The following ANKRD18A variants were observed in gnomAD, a reference collection of about 807,000 sequenced individuals.
ANKRD18A encodes ankyrin repeat domain-containing protein 18A.
Under a neutral mutation model 110.6 loss-of-function variants are expected in ANKRD18A, and 72 were observed. The observed-to-expected ratio is 0.65, with a 90% CI of 0.54 to 0.79. ANKRD18A has a LOEUF of 0.79. Among genes scored for constraint, ANKRD18A ranks in the 30% least tolerant of loss-of-function variants. The probability of loss-of-function intolerance (pLI) is 0.00; values close to 1 mark genes in which losing one functional copy is unlikely to be tolerated. For missense variants in ANKRD18A, 934 were observed against 1,163.3 expected, an observed-to-expected ratio of 0.80 and a Z score of 2.87; for synonymous variants, 305 against 410.3, an observed-to-expected ratio of 0.74 and a Z score of 3.10.
chr9:38,590,804 T>C (rs1824612258), intron 10 of ANKRD18A, among the ~76,000 whole-genome samples: 1 of 152,078 alleles, frequency 6.6e-6, no homozygotes, highest in Admixed American at 6.6e-5. Flanking sequence ...AGTCTCCTGC[T>C]TAGGAATTCA....
Position 38,577,908 on chromosome 9 carries a change from C to G in ANKRD18A, c.2488G>C (p.Ala830Pro). 2.8e-5 allele frequency: 44 copies of G among 1,597,598 alleles called. No homozygotes were observed. The highest frequency in any genetic ancestry group is 3.8e-5 in the Non-Finnish European group (44 of 1,172,632). ...TCTAATTTTTCTATTTCCTGCACTGCCCTTTCATCCAGCTCCGATTTATAT... is the reference window on the plus strand; with the variant it reads ...TCTAATTTTTCTATTTCCTGCACTGGCCTTTCATCCAGCTCCGATTTATAT... ...QEYKSELDER[A>P]VQEIEKLEEI... The change falls in exon 13 of 16, where the codon GCA becomes CCA. Residue 830 changes from alanine (A) to proline (P), a missense_variant. Coordinates refer to ENST00000399703, the MANE Select transcript of ANKRD18A (RefSeq NM_147195.4).
intron 15 of ANKRD18A, among the ~76,000 whole-genome samples, chr9:38,574,327 T>A (rs750320198): frequency 6.6e-6 from 1 of 152,216 alleles, no homozygotes; most frequent in East Asian, 1.9e-4. Flanking sequence ...CTGGATTGAC[T>A]CCATGTCTTT....
In ANKRD18A at chr9:38,610,313, G is replaced by C. The variant is rs763090647; in HGVS notation, c.700C>G (p.Gln234Glu). Residue 234 changes from glutamine to glutamate, a missense_variant, in exon 5 of 16, where the codon CAA (glutamine) becomes GAA (glutamate). By Grantham distance (29) the Gln-to-Glu change is conservative. Around this residue, in one of 4 missense-constraint regions of ANKRD18A, gnomAD observed 630 missense variants for 797.5 expected, o/e 0.79. Transcript: ENST00000399703. ...CAAAGAGCATAATCCTCGGCAGTTT[G>C]GCCAAACATGTCTTGAGAAGAGATA... ...IRISSQDMFG[Q>E]TAEDYALCSD... is the part of the protein sequence containing the mutation. 5.8e-6 allele frequency: 9 copies of C among 1,550,540 alleles called. No individual in the cohort carries two copies. Among genetic ancestry groups the C allele is most frequent in the Non-Finnish European group, 7.8e-6 (9 of 1,146,660 alleles).
Position 38,596,310 on chromosome 9 carries a change from T to C in ANKRD18A, c.1030A>G (p.Ile344Val), listed in dbSNP as rs1433760727. Residue 344 changes from isoleucine (I) to valine (V), a missense_variant, in exon 9 of 16, where the codon ATA becomes GTA. Physicochemically the swap from Ile to Val is conservative, Grantham distance 29. Coordinates refer to ENST00000399703, the MANE Select transcript of ANKRD18A (RefSeq NM_147195.4). ...IAMLKEELYA[I>V]KNDSLRKEKK... ...TCCTTTCTGAGACTGTCATTTTTTA[T>C]TGCATATAATTCCTCTTTGAGCATG... is the stretch of plus-strand genomic sequence containing the variant. The C allele has an allele frequency of 2.5e-5, 38 of 1,533,038 alleles. No homozygotes were observed. The highest frequency in any genetic ancestry group is 3.2e-5 in the Non-Finnish European group (36 of 1,141,488). 95.0% of individuals were successfully genotyped at this position (1,533,038 alleles called of 1,614,324 possible).
chr9:38,613,174 G>A (rs180799300), intron 3 of ANKRD18A, among the ~76,000 whole-genome samples: 5,793 of 151,784 alleles, frequency 0.038, 259 homozygotes, highest in African/African-American at 0.13. Context: ...GGTGGGCACA[G>A]TAGCAAACTG....
At chr9:38,603,823 C>T (rs13297584) in intron 6 of ANKRD18A, among the ~76,000 whole-genome samples, 1 of 152,224 alleles carries the variant, frequency 6.6e-6, no homozygotes, top group East Asian at 1.9e-4. Context: ...TGGCTCCCTA[C>T]CCAAGAGCAG....
At chr9:38,615,479 A>G in intron 3 of ANKRD18A, 115 bp downstream of exon 3, 4 of 1,376,384 alleles carry the variant, frequency 2.9e-6, no homozygotes, top group Non-Finnish European at 2.9e-6. Context: ...ATTTTAGACA[A>G]TTATTTCAAG....
At chr9:38,592,648 T>C (rs1824704585) in intron 10 of ANKRD18A, among the ~76,000 whole-genome samples, 1 of 152,016 alleles carries the variant, frequency 6.6e-6, no homozygotes, top group Non-Finnish European at 1.5e-5. Context: ...GCAACAGCTG[T>C]TTTCATAATA....
intron 6 of ANKRD18A, among the ~76,000 whole-genome samples, chr9:38,606,687 C>T (rs1825372025): frequency 6.6e-6 from 1 of 152,092 alleles, no homozygotes; most frequent in South Asian, 2.1e-4. Context: ...CAGTCCCTAA[C>T]CCCCACAATA....
chr9:38,588,223 C>T (rs983207974), intron 11 of ANKRD18A, among the ~76,000 whole-genome samples: 1 of 152,160 alleles, frequency 6.6e-6, no homozygotes, highest in African/African-American at 2.4e-5. Flanking sequence ...CCCAGCAGCT[C>T]AGCTGACTTC....
chr9:38,596,711 A>T (rs3005820), intron 8 of ANKRD18A, among the ~76,000 whole-genome samples: 1 of 152,188 alleles, frequency 6.6e-6, no homozygotes, highest in African/African-American at 2.4e-5. Context: ...TAAAGTTGTT[A>T]AAAAATTTGA....
At chr9:38,569,979 C>T (rs1052734761), downstream of ANKRD18A, among the ~76,000 whole-genome samples, 1 of 152,182 alleles carries the variant, frequency 6.6e-6, no homozygotes, top group South Asian at 2.1e-4. Flanking sequence ...AGCCACCCTC[C>T]AGGGTGCCCT....
intron 8 of ANKRD18A, among the ~76,000 whole-genome samples, chr9:38,600,503 C>T (rs1428478237): frequency 1.3e-5 from 2 of 152,160 alleles, no homozygotes; most frequent in Non-Finnish European, 2.9e-5. Context: ...CTAGTGACAG[C>T]GCTTTACAAA....
Position 38,596,018 on chromosome 9 carries a change from T to C in ANKRD18A, c.1322A>G (p.Asp441Gly), listed in dbSNP as rs1441205212. Residue 441 changes from aspartate to glycine, a missense_variant, in exon 9 of 16, where the codon GAC becomes GGC. Asp to Gly is a moderately conservative substitution (Grantham distance 94). This residue lies in a region of ANKRD18A where 630 missense variants were observed against 797.5 expected (regional missense o/e 0.79). Coordinates refer to ENST00000399703, the MANE Select transcript of ANKRD18A (RefSeq NM_147195.4). Reference protein sequence around the residue: ...NEYNEIVERKDLELVLWRADD... With the variant: ...NEYNEIVERKGLELVLWRADD... ...TGCTCTCCATAAAACTAGTTCTAGGTCTTTTCTTTCCACAATTTCATTGTA... is the reference window on the plus strand; with the variant it reads ...TGCTCTCCATAAAACTAGTTCTAGGCCTTTTCTTTCCACAATTTCATTGTA... 1 of 1,549,996 alleles carries C rather than the reference T, an allele frequency of 6.5e-7. No individual in the cohort carries two copies. Among genetic ancestry groups the C allele is most frequent in the African/African-American group, 1.4e-5 (1 of 72,824 alleles).
Position 38,607,509 on chromosome 9 carries a change from G to C in ANKRD18A, c.741-16C>G, listed in dbSNP as rs78175524. Reference sequence around the variant, plus strand: ...TTGTCGGATGCTATGCATAATAAACGTAATAAAATTAGTATTTTAATAGTG... The same window carrying C: ...TTGTCGGATGCTATGCATAATAAACCTAATAAAATTAGTATTTTAATAGTG... On this transcript the variant is annotated splice_polypyrimidine_tract_variant and intron_variant, in intron 5 of 15. Coordinates refer to ENST00000399703, the MANE Select transcript of ANKRD18A (RefSeq NM_147195.4). 3 of 1,408,338 alleles carry C rather than the reference G, an allele frequency of 2.1e-6. No individual in the cohort carries two copies. Among genetic ancestry groups the C allele is most frequent in the Non-Finnish European group, 1.9e-6 (2 of 1,062,832 alleles). 87.2% of individuals were successfully genotyped at this position (1,408,338 alleles called of 1,614,324 possible).
rs896618406 is a variant in ANKRD18A, at chr9:38,571,859, T to A, written c.*186A>T. The stretch of plus-strand genomic sequence containing the variant: ...CATATGTGACATGAAAATATTCTAC[T>A]TTAGTAAAGATTATGATGTTTTATA... On this transcript the variant is annotated 3_prime_UTR_variant, in exon 16 of 16. Transcript: ENST00000399703. 15 of 1,294,666 alleles carry A rather than the reference T, an allele frequency of 1.2e-5. No homozygotes were observed. The highest frequency in any genetic ancestry group is 1.6e-5 in the African/African-American group (1 of 64,234). 80.2% of individuals were successfully genotyped at this position (1,294,666 alleles called of 1,614,324 possible).
chr9:38,574,025 C>T (rs1177162861), intron 15 of ANKRD18A, among the ~76,000 whole-genome samples: 1 of 152,052 alleles, frequency 6.6e-6, no homozygotes, highest in Non-Finnish European at 1.5e-5. Context: ...GAGCATAGGA[C>T]CCAAGAAGCA....
At chr9:38,574,149 C>T (rs931808402) in intron 15 of ANKRD18A, among the ~76,000 whole-genome samples, 3 of 152,132 alleles carry the variant, frequency 2.0e-5, no homozygotes, top group African/African-American at 7.2e-5. Context: ...TGAGAGCAAA[C>T]AAGATATTTG....
In ANKRD18A at chr9:38,612,521, C is replaced by CTTTTTTTTTT. The variant is rs767816627; in HGVS notation, c.496-1210_496-1201dup. ...AAGTCACTTGCATTTTTTTCTTTTTCTTTTTTTTTTTTTGGAAATGGGGTC... is the reference window on the plus strand; with the variant it reads ...AAGTCACTTGCATTTTTTTCTTTTTCTTTTTTTTTTTTTTTTTTTTTTTGGAAATGGGGTC... On this transcript the variant is annotated intron_variant, in intron 3 of 15. Transcript: ENST00000399703. 9.7e-5 allele frequency among the ~76,000 whole-genome samples: 12 copies of CTTTTTTTTTT among 124,278 alleles called. 1 individual carries two copies. In the South Asian group the frequency reaches 1.2e-3, roughly 13 times the overall value. 81.5% of individuals were successfully genotyped at this position (124,278 alleles called of 152,430 possible).
Sources: gnomAD v4.1 joint callset for allele counts (sites outside exome capture counted in the v4.1 genomes callset) on GRCh38, gnomAD v4.1.1 for gene constraint, gnomAD v4.1.1 regional missense constraint, MANE v1.5 for transcripts, NCBI Gene and HGNC (gene_info 2026-07-23, HGNC 2026-07-21) for gene names.